The following DIS3L2 variants were observed in gnomAD, a reference collection of about 807,000 sequenced individuals.
DIS3L2 encodes DIS3-like exonuclease 2.
A neutral mutation model predicts 97.5 loss-of-function variants in DIS3L2; 34 were observed. The observed-to-expected ratio is 0.35, with a 90% CI of 0.27 to 0.46. The LOEUF is 0.46. Ranked by LOEUF, DIS3L2 falls within the 20% of genes least tolerant of loss-of-function variation. The pLI is 1.00. For missense variants in DIS3L2, 1,038 were observed against 1,146.0 expected, an observed-to-expected ratio of 0.91 and a Z score of 1.36; for synonymous variants, 435 against 445.2, an observed-to-expected ratio of 0.98 and a Z score of 0.29.
intron 16 of DIS3L2, 128 bp downstream of exon 16, chr2:232,330,904 G>A (rs1695718783): frequency 1.3e-5 from 13 of 970,980 alleles, no homozygotes; most frequent in African/African-American, 8.0e-5. Context: ...GTGGACGGGG[G>A]CTGCTCCTCC....
Position 232,037,654 on chromosome 2 carries a change from C to T in DIS3L2, c.366+7574C>T, listed in dbSNP as rs562496604. ...CCAGTTTTGTACTTGAAACCCAGGG[C>T]CCTTGTGGTATAGGCACCCGAGGGA... On this transcript the variant is annotated intron_variant, in intron 5 of 20. Transcript: ENST00000325385. This position sits in a 1 kb window ranked among gnomAD's most constrained non-coding sequence, Gnocchi z 4.6. 3.3e-5 allele frequency among the ~76,000 whole-genome samples: 5 copies of T among 152,302 alleles called. No homozygotes were observed. Among genetic ancestry groups the T allele is most frequent in the African/African-American group, 1.2e-4 (5 of 41,568 alleles).
intron 12 of DIS3L2, chr2:232,259,921 C>T (rs539693956): frequency 6.6e-6 from 1 of 152,312 alleles, no homozygotes; most frequent in Non-Finnish European, 1.5e-5. Flanking sequence ...CATGAGCCAC[C>T]GTGCTTGGCC....
chr2:232,085,814 T>A (rs895506835), intron 5 of DIS3L2, among the ~76,000 whole-genome samples: 1 of 152,110 alleles, frequency 6.6e-6, no homozygotes, highest in African/African-American at 2.4e-5. Flanking sequence ...TATTTTATTT[T>A]ATTTTTTTTA....
At chr2:232,115,306 A>T (rs1046779580) in intron 6 of DIS3L2, among the ~76,000 whole-genome samples, 2 of 151,522 alleles carry the variant, frequency 1.3e-5, no homozygotes, top group Non-Finnish European at 2.9e-5. Context: ...GATTTTTTTA[A>T]AAAAAAAAGA....
chr2:232,337,964 G>C (rs184238398), downstream of DIS3L2, among the ~76,000 whole-genome samples: 1 of 149,864 alleles, frequency 6.7e-6, no homozygotes, highest in Non-Finnish European at 1.5e-5. Flanking sequence ...TGCCACCCCC[G>C]AGATGTCCCA....
intron 6 of DIS3L2, among the ~76,000 whole-genome samples, chr2:232,108,812 C>A (rs1285328187): frequency 6.6e-6 from 1 of 152,004 alleles, no homozygotes; most frequent in Non-Finnish European, 1.5e-5. Context: ...TCACAATTGC[C>A]ACAAGAAGAA....
At chr2:232,279,842 T>A (rs979013740) in intron 13 of DIS3L2, among the ~76,000 whole-genome samples, 4 of 152,196 alleles carry the variant, frequency 2.6e-5, no homozygotes, top group Non-Finnish European at 5.9e-5. Flanking sequence ...AAAGGATTTT[T>A]AAAAATATTT....
At chr2:231,987,645 T>C (rs965175773) in intron 1 of DIS3L2, among the ~76,000 whole-genome samples, 4 of 152,162 alleles carry the variant, frequency 2.6e-5, no homozygotes, top group Non-Finnish European at 4.4e-5. Context: ...TGGAGCTCTT[T>C]AGTGGAGCTG....
intron 4 of DIS3L2, among the ~76,000 whole-genome samples, chr2:232,024,956 G>T (rs186901638): frequency 2.6e-5 from 4 of 152,232 alleles, no homozygotes; most frequent in Admixed American, 2.0e-4. Context: ...GCAAAGCTGG[G>T]AGAGCAATAT....
intron 1 of DIS3L2, among the ~76,000 whole-genome samples, chr2:231,994,602 C>T (rs1184639949): frequency 6.6e-6 from 1 of 152,062 alleles, no homozygotes; most frequent in Non-Finnish European, 1.5e-5. Flanking sequence ...AAAACCACAT[C>T]AGACAATATT....
At chr2:232,296,357 G>A (rs1282441012) in intron 13 of DIS3L2, among the ~76,000 whole-genome samples, 1 of 152,206 alleles carries the variant, frequency 6.6e-6, no homozygotes, top group Non-Finnish European at 1.5e-5. Flanking sequence ...TCAGCCTCAA[G>A]TTCCTCATCT....
chr2:232,245,309 C>T lies in DIS3L2; in HGVS notation c.1318-3930C>T, dbSNP rs142069910. On this transcript the variant is annotated intron_variant, in intron 11 of 20. Coordinates refer to ENST00000325385, the MANE Select transcript of DIS3L2 (RefSeq NM_152383.5). The stretch of plus-strand genomic sequence containing the variant: ...GCGCCATGGTCCAGGTGGGTCTCCC[C>T]CTGACATAATGGGACTTGGATTTGA... 4.2e-3 allele frequency among the ~76,000 whole-genome samples: 638 copies of T among 152,282 alleles called. 3 individuals are homozygous for T. Among genetic ancestry groups the T allele is most frequent in the Non-Finnish European group, 4.3e-3 (290 of 68,028 alleles).
intron 5 of DIS3L2, among the ~76,000 whole-genome samples, chr2:232,033,057 G>A (rs1051783076): frequency 5.3e-5 from 8 of 152,122 alleles, no homozygotes; most frequent in Admixed American, 3.3e-4. Context: ...GAATAGCATT[G>A]AATCTAAATT....
intron 9 of DIS3L2, among the ~76,000 whole-genome samples, chr2:232,201,971 A>T (rs1417520400): frequency 1.3e-5 from 2 of 152,222 alleles, no homozygotes; most frequent in African/African-American, 2.4e-5. Context: ...TCAAATGAAA[A>T]TTAAGGGGAA....
intron 1 of DIS3L2, among the ~76,000 whole-genome samples, chr2:232,003,730 A>G (rs1693969657): frequency 6.6e-6 from 1 of 152,148 alleles, no homozygotes; most frequent in African/African-American, 2.4e-5. Context: ...CAGGGCTGAC[A>G]GTTTTTTTCT....
chr2:232,031,302 A>G (rs536871401), intron 5 of DIS3L2, among the ~76,000 whole-genome samples: 1 of 152,266 alleles, frequency 6.6e-6, no homozygotes, highest in African/African-American at 2.4e-5. Flanking sequence ...TGATACAGCT[A>G]AAGTAATTGA....
At chr2:232,102,338 C>G (rs1414640799) in intron 6 of DIS3L2, among the ~76,000 whole-genome samples, 1 of 152,086 alleles carries the variant, frequency 6.6e-6, no homozygotes, top group African/African-American at 2.4e-5. Context: ...TGGTTAGAAC[C>G]TGGGTTGGGG....
chr2:232,086,310 T>C (rs11901868), intron 5 of DIS3L2, among the ~76,000 whole-genome samples: 4 of 147,266 alleles, frequency 2.7e-5, no homozygotes, highest in East Asian at 3.9e-4. Context: ...TATACATATG[T>C]ATATGTATAT....
intron 1 of DIS3L2, among the ~76,000 whole-genome samples, chr2:232,002,755 C>G (rs956287343): frequency 6.6e-6 from 1 of 152,170 alleles, no homozygotes; most frequent in Non-Finnish European, 1.5e-5. Flanking sequence ...TCACCTGCCT[C>G]CCTTTCACTG....
Sources: gnomAD v4.1 joint callset for allele counts (sites outside exome capture counted in the v4.1 genomes callset) on GRCh38, gnomAD v4.1.1 for gene constraint, Gnocchi (gnomAD v3.1) non-coding constraint, MANE v1.5 for transcripts, NCBI Gene and HGNC (gene_info 2026-07-23, HGNC 2026-07-21) for gene names.